Variants in CMKLR1 observed in about 807,000 individuals in gnomAD.
CMKLR1 encodes chemerin chemokine-like receptor 1, also known as chemerin-like receptor 1.
Under a neutral mutation model 8.2 loss-of-function variants are expected in CMKLR1, and 6 were observed. That is an observed-to-expected ratio of 0.73 (90% CI 0.40 to 1.44). The LOEUF (loss-of-function observed/expected upper bound fraction) is 1.44. CMKLR1 is among the 40% of genes most tolerant of loss of function. CMKLR1 has a pLI of 0.02. For missense variants in CMKLR1, 429 were observed against 478.0 expected (o/e 0.90, Z 0.96); for synonymous variants, 178 against 181.2 (o/e 0.98, Z 0.14).
At chr12:108,319,928 C>T (rs1420427729) in intron 2 of CMKLR1, among the ~76,000 whole-genome samples, 1 of 152,136 alleles carries the variant, frequency 6.6e-6, no homozygotes, top group South Asian at 2.1e-4. Flanking sequence ...AGGTGTCAGG[C>T]TGGGAGATAG....
intron 2 of CMKLR1, among the ~76,000 whole-genome samples, chr12:108,307,708 A>C (rs1303293096): frequency 6.6e-6 from 1 of 152,192 alleles, no homozygotes; most frequent in Non-Finnish European, 1.5e-5. Flanking sequence ...GAGGCTCTGC[A>C]AAGCGTGTTT....
rs553907398 is a variant in CMKLR1 at position 108,312,882 on chromosome 12, T to G, written c.-74+17113A>C. On this transcript the variant is annotated intron_variant, in intron 2 of 3. Transcript: ENST00000550402. Reference sequence around the variant, plus strand: ...CCAAATCACCCCCCTCTGCACAGTCTCCACAGGCTGGCCAGACTCCCAGGG... The same window carrying G: ...CCAAATCACCCCCCTCTGCACAGTCGCCACAGGCTGGCCAGACTCCCAGGG... 3.3e-5 allele frequency among the ~76,000 whole-genome samples: 5 copies of G among 152,134 alleles called. No individual in the cohort carries two copies. The South Asian group carries it at 1.0e-3, about 32-fold the overall frequency.
intron 2 of CMKLR1, among the ~76,000 whole-genome samples, chr12:108,312,788 C>T (rs1891618662): frequency 2.6e-5 from 4 of 152,108 alleles, no homozygotes; most frequent in Admixed American, 2.6e-4. Context: ...TCAGTTGTCC[C>T]CACCTGTGCA....
chr12:108,329,695 G>A (rs1049317307), intron 2 of CMKLR1, among the ~76,000 whole-genome samples: 2 of 152,126 alleles, frequency 1.3e-5, no homozygotes, highest in Admixed American at 6.5e-5. Context: ...CAACCTTCTG[G>A]CTAGATGGGC....
chr12:108,338,486 T>G (rs1055813977), intron 1 of CMKLR1, among the ~76,000 whole-genome samples: 1 of 152,228 alleles, frequency 6.6e-6, no homozygotes, highest in South Asian at 2.1e-4. Flanking sequence ...GTGAGAATAC[T>G]GTGCCCTGGT....
intron 2 of CMKLR1, among the ~76,000 whole-genome samples, chr12:108,319,469 GAGCC>G: frequency 6.6e-6 from 1 of 152,328 alleles, no homozygotes; most frequent in Non-Finnish European, 1.5e-5. Context: ...CCTGAGTTCA[GAGCC>G]AGCTCTGTCA....
intron 2 of CMKLR1, among the ~76,000 whole-genome samples, chr12:108,305,122 C>T (rs1891374602): frequency 6.6e-6 from 1 of 152,206 alleles, no homozygotes; most frequent in Admixed American, 6.5e-5. Flanking sequence ...GAAACTAAGG[C>T]CCAGAGAGTG....
intron 2 of CMKLR1, among the ~76,000 whole-genome samples, chr12:108,296,396 A>G (rs934707729): frequency 1.3e-5 from 2 of 152,190 alleles, no homozygotes; most frequent in Non-Finnish European, 2.9e-5. Flanking sequence ...CATTGTTATT[A>G]TTTCTCAGGC....
intron 2 of CMKLR1, among the ~76,000 whole-genome samples, chr12:108,294,986 A>G (rs2137295367): frequency 6.6e-6 from 1 of 152,364 alleles, no homozygotes; most frequent in South Asian, 2.1e-4. Flanking sequence ...AGGGCTCACA[A>G]TCAAAGCTTG....
intron 2 of CMKLR1, among the ~76,000 whole-genome samples, chr12:108,306,680 C>G (rs1891416753): frequency 6.6e-6 from 1 of 152,194 alleles, no homozygotes; most frequent in Admixed American, 6.5e-5. Context: ...AACCTCTTAG[C>G]ACCTCCTTGT....
intron 1 of CMKLR1, among the ~76,000 whole-genome samples, chr12:108,335,862 T>G (rs1892208403): frequency 6.6e-6 from 1 of 152,236 alleles, no homozygotes; most frequent in Non-Finnish European, 1.5e-5. Flanking sequence ...CATAAGACTT[T>G]CATTTGTGGA....
intron 3 of CMKLR1, 102 bp from the exon 4 acceptor site, chr12:108,293,061 G>T: frequency 3.6e-6 from 4 of 1,105,784 alleles, no homozygotes; most frequent in South Asian, 3.2e-5. Context: ...CTCTGAGCAA[G>T]TCCAGTTTTG....
At chr12:108,322,810 C>T in intron 2 of CMKLR1, among the ~76,000 whole-genome samples, 1 of 152,108 alleles carries the variant, frequency 6.6e-6, no homozygotes, top group East Asian at 1.9e-4. Context: ...GCAAAATAAA[C>T]CTCTTTTCTT....
chr12:108,320,170 C>T (rs1331327307), intron 2 of CMKLR1, among the ~76,000 whole-genome samples: 2 of 152,128 alleles, frequency 1.3e-5, no homozygotes, highest in African/African-American at 4.8e-5. Flanking sequence ...AAAAGCATTG[C>T]ACTTTCACAT....
chr12:108,306,807 G>C (rs565110731), intron 2 of CMKLR1, among the ~76,000 whole-genome samples: 1 of 152,094 alleles, frequency 6.6e-6, no homozygotes, highest in Non-Finnish European at 1.5e-5. Context: ...ATGAGAACAC[G>C]CCCTTGCAAA....
rs1242222893 is a variant in CMKLR1, at chr12:108,288,786, TTTC to T, written c.*3052_*3054del. ...TTCCTCTCCCCTTCTCTCTTCTTTC[TTTC>T]TTCCTTGTCTTTTCCTTCTTCTTCT... On this transcript the variant is annotated 3_prime_UTR_variant, in exon 4 of 4. Transcript: ENST00000550402. 6.6e-6 allele frequency: 1 copy of T among 152,350 alleles called. No homozygotes were observed. Among genetic ancestry groups the T allele is most frequent in the African/African-American group, 2.4e-5 (1 of 41,414 alleles). The allele number at this position is 152,350 out of a possible 1,614,324, so 9.4% of individuals were successfully genotyped here. A position where few individuals can be genotyped will look rare whatever the true frequency, so the allele number is the denominator to read the frequency against.
At chr12:108,321,918 C>A (rs1292102600) in intron 2 of CMKLR1, among the ~76,000 whole-genome samples, 1 of 152,144 alleles carries the variant, frequency 6.6e-6, no homozygotes, top group African/African-American at 2.4e-5. Context: ...AGGGCAGTGT[C>A]TGGGTCATAG....
At chr12:108,315,577 G>A (rs1160214138) in intron 2 of CMKLR1, among the ~76,000 whole-genome samples, 4 of 152,194 alleles carry the variant, frequency 2.6e-5, no homozygotes, top group Non-Finnish European at 4.4e-5. Context: ...AGGGTCCTGT[G>A]AGGCAGGTAC....
chr12:108,335,621 A>T (rs901705104), intron 1 of CMKLR1, among the ~76,000 whole-genome samples: 8 of 152,216 alleles, frequency 5.3e-5, no homozygotes, highest in African/African-American at 1.4e-4. Flanking sequence ...GTGGCCAAAG[A>T]GTAAGAGTGC....
Sources: allele counts gnomAD v4.1 joint callset (sites outside exome capture counted in the v4.1 genomes callset), GRCh38; gene constraint gnomAD v4.1.1; transcripts MANE v1.5; gene names NCBI Gene and HGNC (gene_info 2026-07-23, HGNC 2026-07-21).